SPPL3: variants seen among roughly 807,000 people sequenced by gnomAD.
SPPL3 encodes signal peptide peptidase-like 3.
A neutral mutation model predicts 42.4 loss-of-function variants in SPPL3; 5 were observed. The ratio of observed to expected loss-of-function variants is 0.12; its 90% CI spans 0.06 to 0.25. The LOEUF is 0.25. Ranked by LOEUF, SPPL3 falls within the 10% of genes least tolerant of loss-of-function variation. SPPL3 has a pLI of 1.00. For synonymous variants in SPPL3, 195 were observed against 181.8 expected (o/e 1.07, Z -0.58); for missense variants, 235 against 489.0 (o/e 0.48, Z 4.90).
At chr12:120,847,103 C>A (rs558649118) in intron 1 of SPPL3, among the ~76,000 whole-genome samples, 4 of 152,084 alleles carry the variant, frequency 2.6e-5, no homozygotes, top group African/African-American at 9.7e-5. Context: ...TGAATACCTG[C>A]ACCAATAGCC....
intron 3 of SPPL3, 50 bp from the exon 4 acceptor site, chr12:120,784,643 G>A: frequency 6.7e-7 from 1 of 1,488,058 alleles, no homozygotes; most frequent in Non-Finnish European, 9.1e-7. Flanking sequence ...ACCAGGCACT[G>A]TGCCTATGCA....
intron 2 of SPPL3, among the ~76,000 whole-genome samples, chr12:120,806,733 G>A (rs145483500): frequency 0.014 from 2,115 of 151,944 alleles, 31 homozygotes; most frequent in Non-Finnish European, 0.022. Context: ...CCTAGTTCCA[G>A]CTACTCGGGA....
chr12:120,876,616 C>CAAAAAAAAAAAAAAAA (rs71076676), intron 1 of SPPL3, among the ~76,000 whole-genome samples: 7 of 51,202 alleles, frequency 1.4e-4, no homozygotes, highest in East Asian at 1.4e-3. Flanking sequence ...GACTCTGTCT[C>CAAAAAAAAAAAAAAAA]AAAAAAAAAA....
chr12:120,851,318 T>C (rs1872215537), intron 1 of SPPL3, among the ~76,000 whole-genome samples: 1 of 152,132 alleles, frequency 6.6e-6, no homozygotes, highest in South Asian at 2.1e-4. Flanking sequence ...GGCCTCTCAT[T>C]TTCTCATACA....
chr12:120,780,328 G>A (rs1432820085), intron 6 of SPPL3, among the ~76,000 whole-genome samples: 1 of 151,460 alleles, frequency 6.6e-6, no homozygotes, highest in East Asian at 2.0e-4. Context: ...TCTGGGTATG[G>A]TGGCTTGTGT....
chr12:120,794,242 A>G (rs1051151511), intron 2 of SPPL3, among the ~76,000 whole-genome samples: 5 of 151,422 alleles, frequency 3.3e-5, no homozygotes, highest in African/African-American at 7.3e-5. Context: ...TATAAGCAGC[A>G]TATCTTTTCC....
chr12:120,836,141 T>C (rs1871611210), intron 1 of SPPL3, among the ~76,000 whole-genome samples: 1 of 152,074 alleles, frequency 6.6e-6, no homozygotes. Flanking sequence ...AGAATGCCTC[T>C]CATCTCTGCA....
intron 1 of SPPL3, among the ~76,000 whole-genome samples, chr12:120,828,073 C>T (rs1566053548): frequency 6.6e-6 from 1 of 152,198 alleles, no homozygotes; most frequent in Non-Finnish European, 1.5e-5. Context: ...CAGGCATGAG[C>T]CACCACGTCT....
chr12:120,850,732 C>A (rs145489223), intron 1 of SPPL3, among the ~76,000 whole-genome samples: 1 of 152,136 alleles, frequency 6.6e-6, no homozygotes, highest in Non-Finnish European at 1.5e-5. Flanking sequence ...AATCTGACAT[C>A]GGTTTTATAG....
chr12:120,890,035 C>T (rs532027478), intron 1 of SPPL3, among the ~76,000 whole-genome samples: 2 of 149,856 alleles, frequency 1.3e-5, no homozygotes, highest in African/African-American at 4.9e-5. Flanking sequence ...CACCTGAGGT[C>T]GGGAGTTCGA....
At chr12:120,828,795 T>G (rs957667520) in intron 1 of SPPL3, among the ~76,000 whole-genome samples, 1 of 152,204 alleles carries the variant, frequency 6.6e-6, no homozygotes, top group Non-Finnish European at 1.5e-5. Flanking sequence ...CTTGCTCTGT[T>G]GCCTAGGCTG....
chr12:120,767,589 T>C lies in SPPL3; in HGVS notation c.778A>G (p.Thr260Ala). 1 of 1,614,064 alleles carries C rather than the reference T, an allele frequency of 6.2e-7. No individual in the cohort carries two copies. Among genetic ancestry groups the C allele is most frequent in the Non-Finnish European group, 8.5e-7 (1 of 1,179,916 alleles). ...CCCAACATGGAGAAGTGGCTGCCAG[T>C]GGAGCTGGAATGCAGTTTCACAGGT... ...LPGKLVFPSS[T>A]GSHFSMLGIG... is the part of the protein sequence containing the mutation. The change falls in exon 9 of 11, where the codon ACT (threonine) becomes GCT (alanine). Residue 260 changes from threonine (T) to alanine (A), a missense_variant. Around this residue, in one of 6 missense-constraint regions of SPPL3, gnomAD observed 20 missense variants for 66.1 expected, o/e 0.30. Transcript: ENST00000353487.
intron 1 of SPPL3, among the ~76,000 whole-genome samples, chr12:120,883,288 G>C (rs1327292102): frequency 2.6e-5 from 4 of 152,170 alleles, no homozygotes; most frequent in Non-Finnish European, 5.9e-5. Flanking sequence ...CTGGGCGACA[G>C]AGCAAGACTC....
chr12:120,808,818 C>T (rs1870587176), intron 2 of SPPL3, among the ~76,000 whole-genome samples: 1 of 152,180 alleles, frequency 6.6e-6, no homozygotes, highest in Non-Finnish European at 1.5e-5. Context: ...GTAGTCTGCA[C>T]TACTGAAAGT....
chr12:120,829,955 T>C (rs1038630139), intron 1 of SPPL3, among the ~76,000 whole-genome samples: 11 of 149,160 alleles, frequency 7.4e-5, no homozygotes, highest in East Asian at 2.0e-4. Context: ...GATCGCACCA[T>C]TGCACTCCAG....
chr12:120,853,293 C>A lies in SPPL3; in HGVS notation c.24-42407G>T, dbSNP rs146310647. 6.5e-3 allele frequency among the ~76,000 whole-genome samples: 987 copies of A among 152,270 alleles called. 5 individuals are homozygous for A. Among genetic ancestry groups the A allele is most frequent in the Middle Eastern group, 0.014 (4 of 294 alleles). ...AATGTATATGGTAAATATTTGATTT[C>A]TAAGTCTACAGAACTATATTATATT... On this transcript the variant is annotated intron_variant, in intron 1 of 10. Coordinates refer to ENST00000353487, the MANE Select transcript of SPPL3 (RefSeq NM_139015.5).
intron 5 of SPPL3, 80 bp from the exon 6 acceptor site, chr12:120,782,847 C>A: frequency 9.5e-7 from 1 of 1,056,574 alleles, no homozygotes; most frequent in Non-Finnish European, 1.4e-6. Context: ...TTCGTGATGG[C>A]TGGATTAGAA....
chr12:120,772,640 CAATATATGT>C (rs1425302770), intron 6 of SPPL3, among the ~76,000 whole-genome samples: 1 of 152,098 alleles, frequency 6.6e-6, no homozygotes, highest in Non-Finnish European at 1.5e-5. Flanking sequence ...GGTAAATTGT[CAATATATGT>C]AATAAAGTGG....
At chr12:120,887,124 AT>A (rs1404641343) in intron 1 of SPPL3, among the ~76,000 whole-genome samples, 1 of 151,838 alleles carries the variant, frequency 6.6e-6, no homozygotes, top group Non-Finnish European at 1.5e-5. Context: ...TAATTTTTGT[AT>A]TTTTAGTAGA....
Sources: gnomAD v4.1 joint callset for allele counts (sites outside exome capture counted in the v4.1 genomes callset) on GRCh38, gnomAD v4.1.1 for gene constraint, gnomAD v4.1.1 regional missense constraint, MANE v1.5 for transcripts, NCBI Gene and HGNC (gene_info 2026-07-23, HGNC 2026-07-21) for gene names.